Variants in CNTNAP5 observed in about 807,000 individuals in gnomAD.
The protein encoded by CNTNAP5 is contactin-associated protein-like 5.
In CNTNAP5, 72 loss-of-function variants were observed where a neutral mutation model predicts 150.2. The ratio of observed to expected loss-of-function variants is 0.48; its 90% CI spans 0.40 to 0.58. The LOEUF is 0.58. Ranked by LOEUF, CNTNAP5 falls within the 20% of genes least tolerant of loss-of-function variation. CNTNAP5 has a pLI of 0.00. For synonymous variants in CNTNAP5, 672 were observed against 619.8 expected (o/e 1.08, Z -1.25); for missense variants, 1,636 against 1,626.2 (o/e 1.01, Z -0.10).
At chr2:124,194,366 C>CATATAT (rs1189694569) in intron 1 of CNTNAP5, among the ~76,000 whole-genome samples, 5 of 101,216 alleles carry the variant, frequency 4.9e-5, no homozygotes, top group East Asian at 3.1e-4. Flanking sequence ...TAAATTAGGT[C>CATATAT]ATATATATAT....
intron 3 of CNTNAP5, among the ~76,000 whole-genome samples, chr2:124,309,072 T>TAATA (rs1222496012): frequency 6.6e-6 from 1 of 152,168 alleles, no homozygotes; most frequent in African/African-American, 2.4e-5. Context: ...TACACACCTA[T>TAATA]AATAATGTTT....
At chr2:124,131,032 T>C (rs750813236) in intron 1 of CNTNAP5, among the ~76,000 whole-genome samples, 1 of 152,200 alleles carries the variant, frequency 6.6e-6, no homozygotes, top group Non-Finnish European at 1.5e-5. Context: ...TTGTGGAGTT[T>C]GATTTTTCTG....
At chr2:124,638,912 G>T (rs180691409) in intron 12 of CNTNAP5, among the ~76,000 whole-genome samples, 1 of 152,022 alleles carries the variant, frequency 6.6e-6, no homozygotes, top group Non-Finnish European at 1.5e-5. Context: ...TGCTTTATTC[G>T]ATCAGACACC....
chr2:124,506,329 T>C (rs948160561), intron 8 of CNTNAP5, among the ~76,000 whole-genome samples: 1 of 152,098 alleles, frequency 6.6e-6, no homozygotes, highest in Non-Finnish European at 1.5e-5. Context: ...GTGAGGCAGG[T>C]AGTCAGGAAA....
intron 17 of CNTNAP5, among the ~76,000 whole-genome samples, chr2:124,776,769 G>A (rs1681332806): frequency 6.6e-6 from 1 of 152,030 alleles, no homozygotes; most frequent in Non-Finnish European, 1.5e-5. Context: ...TTATCTGTTA[G>A]CATATTTTTA....
At chr2:124,829,130 G>T (rs972953356) in intron 19 of CNTNAP5, among the ~76,000 whole-genome samples, 1 of 152,108 alleles carries the variant, frequency 6.6e-6, no homozygotes, top group African/African-American at 2.4e-5. Context: ...CAAGAGATGT[G>T]GGGGGCCATG....
intron 14 of CNTNAP5, among the ~76,000 whole-genome samples, chr2:124,756,476 C>T (rs746635145): frequency 6.6e-6 from 1 of 152,178 alleles, no homozygotes; most frequent in East Asian, 1.9e-4. Context: ...CTGTTCATTG[C>T]AGCACTATTC....
At chr2:124,182,499 G>T (rs565900727) in intron 1 of CNTNAP5, among the ~76,000 whole-genome samples, 5 of 152,084 alleles carry the variant, frequency 3.3e-5, no homozygotes, top group Non-Finnish European at 5.9e-5. Context: ...ACCTTGTATC[G>T]ATCAAGACGA....
intron 12 of CNTNAP5, among the ~76,000 whole-genome samples, chr2:124,610,590 G>A (rs1233399690): frequency 6.6e-6 from 1 of 152,144 alleles, no homozygotes; most frequent in Non-Finnish European, 1.5e-5. Context: ...CATGGGCTTA[G>A]AAATGACATA....
intron 21 of CNTNAP5, among the ~76,000 whole-genome samples, chr2:124,886,936 A>G (rs1678093783): frequency 6.6e-6 from 1 of 151,954 alleles, no homozygotes; most frequent in African/African-American, 2.4e-5. Flanking sequence ...ATGAGCTCTC[A>G]TTCTCATTTG....
At chr2:124,801,608 T>A (rs1481231874) in intron 19 of CNTNAP5, among the ~76,000 whole-genome samples, 1 of 152,198 alleles carries the variant, frequency 6.6e-6, no homozygotes, top group African/African-American at 2.4e-5. Flanking sequence ...GATTCTTTAT[T>A]CCCTTCTTGT....
intron 13 of CNTNAP5, among the ~76,000 whole-genome samples, chr2:124,706,937 AAGAAGGAGG>A (rs1354056097): frequency 4.9e-5 from 5 of 101,018 alleles, no homozygotes; most frequent in African/African-American, 1.0e-4. Flanking sequence ...GAAGAAGAAG[AAGAAGGAGG>A]AGGAGGAGGA....
intron 3 of CNTNAP5, among the ~76,000 whole-genome samples, chr2:124,374,541 T>C (rs1690600605): frequency 6.6e-6 from 1 of 152,128 alleles, no homozygotes; most frequent in South Asian, 2.1e-4. Context: ...TCAAACTAAT[T>C]ATCACTTTTA....
intron 11 of CNTNAP5, among the ~76,000 whole-genome samples, chr2:124,594,727 C>A (rs1236447403): frequency 7.4e-6 from 1 of 135,458 alleles, no homozygotes; most frequent in Non-Finnish European, 1.6e-5. Context: ...TTACCTTGGG[C>A]AGTATGGCCA....
At chr2:124,790,665 A>G (rs1292901807) in intron 18 of CNTNAP5, among the ~76,000 whole-genome samples, 1 of 152,188 alleles carries the variant, frequency 6.6e-6, no homozygotes, top group Non-Finnish European at 1.5e-5. Context: ...GCCCTGTCTG[A>G]AAGTTCATAT....
intron 19 of CNTNAP5, among the ~76,000 whole-genome samples, chr2:124,805,480 G>A (rs1375319578): frequency 1.3e-5 from 2 of 152,128 alleles, no homozygotes; most frequent in East Asian, 3.9e-4. Context: ...CAACAACTTT[G>A]GCTGTGGAGC....
chr2:124,586,521 A>G (rs1696541154), intron 11 of CNTNAP5, among the ~76,000 whole-genome samples: 1 of 152,200 alleles, frequency 6.6e-6, no homozygotes, highest in South Asian at 2.1e-4. Flanking sequence ...AATGAAGAAT[A>G]CAATAATATC....
At chr2:124,060,074 C>T (rs990028213) in intron 1 of CNTNAP5, among the ~76,000 whole-genome samples, 11 of 152,114 alleles carry the variant, frequency 7.2e-5, no homozygotes, top group African/African-American at 2.2e-4. Flanking sequence ...ACCTCTAAGG[C>T]TTGACACTTA....
At chr2:124,874,781 G>T (rs1289080688) in intron 21 of CNTNAP5, among the ~76,000 whole-genome samples, 2 of 151,986 alleles carry the variant, frequency 1.3e-5, no homozygotes, top group African/African-American at 4.8e-5. Context: ...AAATTCTGAA[G>T]AGACATTAAA....
Sources: gnomAD v4.1 joint callset for allele counts (sites outside exome capture counted in the v4.1 genomes callset) on GRCh38, gnomAD v4.1.1 for gene constraint, MANE v1.5 for transcripts, NCBI Gene and HGNC (gene_info 2026-07-23, HGNC 2026-07-21) for gene names.